Variants in UHRF2 observed in about 807,000 individuals in gnomAD.
UHRF2 encodes the protein ubiquitin like with PHD and ring finger domains 2.
In UHRF2, 23 loss-of-function variants were observed where a neutral mutation model predicts 96.8. The observed-to-expected ratio is 0.24, with a 90% CI of 0.17 to 0.34. The LOEUF is 0.34. Ranked by LOEUF, UHRF2 falls within the 10% of genes least tolerant of loss-of-function variation. The probability of loss-of-function intolerance (pLI) is 1.00; values close to 1 mark genes in which losing one functional copy is unlikely to be tolerated. For missense variants in UHRF2, 685 were observed against 981.5 expected (o/e 0.70, Z 4.04); for synonymous variants, 385 against 332.6 (o/e 1.16, Z -1.72).
chr9:6,495,059 A>C (rs975310690), intron 10 of UHRF2: 1 of 152,188 alleles, frequency 6.6e-6, no homozygotes, highest in Admixed American at 6.5e-5. Flanking sequence ...TGTTTTTGTC[A>C]ATGAAAATGT....
intron 14 of UHRF2, among the ~76,000 whole-genome samples, chr9:6,503,845 G>A (rs1413855659): frequency 6.6e-6 from 1 of 151,928 alleles, no homozygotes; most frequent in Non-Finnish European, 1.5e-5. Flanking sequence ...TCCCTGGAAT[G>A]TGACATTTAG....
intron 1 of UHRF2, among the ~76,000 whole-genome samples, chr9:6,420,115 G>A (rs1486792472): frequency 6.6e-6 from 1 of 151,106 alleles, no homozygotes; most frequent in African/African-American, 2.4e-5. Context: ...GGAGTGCAGT[G>A]GCGCAATTTC....
chr9:6,487,243 G>C (rs1355647266), intron 9 of UHRF2, among the ~76,000 whole-genome samples: 1 of 133,372 alleles, frequency 7.5e-6, no homozygotes, highest in Non-Finnish European at 1.5e-5. Flanking sequence ...GGGCTGGAGT[G>C]CAGTGGTGTG....
At chr9:6,453,786 T>A (rs1266525964) in intron 3 of UHRF2, among the ~76,000 whole-genome samples, 6 of 152,096 alleles carry the variant, frequency 3.9e-5, no homozygotes, top group Admixed American at 3.9e-4. Context: ...GTACTTGTAG[T>A]CCCAGCTACT....
At chr9:6,468,519 T>C (rs1823016536) in intron 4 of UHRF2, 1 of 455,956 alleles carries the variant, frequency 2.2e-6, no homozygotes, top group South Asian at 1.5e-5. Flanking sequence ...TAGTTGTGTT[T>C]TGCCCCTAGG....
In UHRF2 at chr9:6,500,644, A is replaced by T; in HGVS notation, c.2098A>T (p.Ile700Phe). The T allele has an allele frequency of 6.3e-7, 1 of 1,597,574 alleles. No individual in the cohort carries two copies. Among genetic ancestry groups the T allele is most frequent in the Non-Finnish European group, 8.6e-7 (1 of 1,165,254 alleles). The change falls in exon 14 of 16, where the codon ATC (isoleucine) becomes TTC (phenylalanine). Residue 700 changes from isoleucine to phenylalanine, a missense_variant. Around this residue, in one of 6 missense-constraint regions of UHRF2, gnomAD observed 99 missense variants for 73.5 expected, o/e 1.35. Transcript: ENST00000276893. ...FQLTPQQQHL[I>F]REDCQNQKLW... ...ACTAACTCCTCAACAGCAACATCTC[A>T]TCAGAGAAGATTGTCAAAACCAGAA...
chr9:6,480,756 T>G (rs1823878427), intron 6 of UHRF2, among the ~76,000 whole-genome samples: 1 of 152,180 alleles, frequency 6.6e-6, no homozygotes, highest in African/African-American at 2.4e-5. Flanking sequence ...AGAAAGGACT[T>G]TACTTCATAG....
chr9:6,480,748 A>G (rs566900427), intron 6 of UHRF2, among the ~76,000 whole-genome samples: 10 of 152,310 alleles, frequency 6.6e-5, no homozygotes, highest in Non-Finnish European at 1.2e-4. Flanking sequence ...TCCCAACTAG[A>G]AAGGACTTTA....
chr9:6,494,126 C>T lies in UHRF2; in HGVS notation c.1604+194C>T, dbSNP rs530434796. 1.6e-5 allele frequency: 8 copies of T among 515,680 alleles called. No individual in the cohort carries two copies. In the East Asian group the frequency reaches 2.2e-4, roughly 14 times the overall value. 31.9% of individuals were successfully genotyped at this position (515,680 alleles called of 1,614,324 possible). On this transcript the variant is annotated intron_variant, in intron 10 of 15. Coordinates refer to ENST00000276893, the MANE Select transcript of UHRF2 (RefSeq NM_152896.3). ...CTTTATACTGTTATTTTTTAAATGC[C>T]ATAATTTCTAGTCTTACTGAATACA... is the stretch of plus-strand genomic sequence containing the variant.
At chr9:6,472,542 G>T (rs1375787994) in intron 4 of UHRF2, among the ~76,000 whole-genome samples, 1 of 152,170 alleles carries the variant, frequency 6.6e-6, no homozygotes, top group African/African-American at 2.4e-5. Flanking sequence ...GGAATCTTCA[G>T]GAGAACTAGG....
chr9:6,449,933 TCC>T (rs1821750564), intron 3 of UHRF2, among the ~76,000 whole-genome samples: 1 of 152,224 alleles, frequency 6.6e-6, no homozygotes, highest in African/African-American at 2.4e-5. Context: ...GTGTCTGGTT[TCC>T]TCTGGTCACC....
chr9:6,467,375 A>G (rs559558799), intron 4 of UHRF2, among the ~76,000 whole-genome samples: 8 of 152,042 alleles, frequency 5.3e-5, no homozygotes, highest in East Asian at 1.9e-4. Flanking sequence ...TCCCATTTCA[A>G]GGTTTTTTAT....
rs560770876 is a variant in UHRF2, at chr9:6,481,778, A to G, written c.1284+12A>G. On this transcript the variant is annotated intron_variant, in intron 7 of 15. Coordinates refer to ENST00000276893, the MANE Select transcript of UHRF2 (RefSeq NM_152896.3). Reference sequence around the variant, plus strand: ...GAGACTGGGGCAGGGTAAAGAAGAAATTCCCCTTTTCTTCCTAATAGCAAG... The same window carrying G: ...GAGACTGGGGCAGGGTAAAGAAGAAGTTCCCCTTTTCTTCCTAATAGCAAG... 1.9e-6 allele frequency: 3 copies of G among 1,601,328 alleles called. No individual in the cohort carries two copies. Among genetic ancestry groups the G allele is most frequent in the Non-Finnish European group, 2.5e-6 (3 of 1,176,830 alleles).
At chr9:6,469,165 A>G (rs1279808191) in intron 4 of UHRF2, among the ~76,000 whole-genome samples, 1 of 152,192 alleles carries the variant, frequency 6.6e-6, no homozygotes, top group Non-Finnish European at 1.5e-5. Context: ...TCACAAAATA[A>G]TTATATGGAG....
rs1342523576 is a variant in UHRF2, at chr9:6,428,429, T to C, written c.385-5485T>C. ...TTCTTTACTAACTTTCTTATTAATATTAACCTTTAACAACCTATTAATAAT... is the reference window on the plus strand; with the variant it reads ...TTCTTTACTAACTTTCTTATTAATACTAACCTTTAACAACCTATTAATAAT... On this transcript the variant is annotated intron_variant, in intron 2 of 15. Transcript: ENST00000276893. Among the ~76,000 whole-genome samples, 5 of 152,164 alleles carry C rather than the reference T, an allele frequency of 3.3e-5. No homozygotes were observed. The East Asian group carries it at 9.7e-4, about 29-fold the overall frequency.
chr9:6,476,784 G>A (rs1044944033), intron 5 of UHRF2, among the ~76,000 whole-genome samples: 2 of 151,954 alleles, frequency 1.3e-5, no homozygotes, highest in African/African-American at 2.4e-5. Flanking sequence ...TAGCAGGGAC[G>A]GGGTTTCACT....
intron 9 of UHRF2, 66 bp downstream of exon 9, chr9:6,486,991 G>T: frequency 6.9e-7 from 1 of 1,454,076 alleles, no homozygotes; most frequent in Non-Finnish European, 9.6e-7. Flanking sequence ...GAATAGCTTT[G>T]CCTAGGATAC....
intron 3 of UHRF2, among the ~76,000 whole-genome samples, chr9:6,437,606 T>C (rs1413127899): frequency 3.3e-5 from 5 of 152,014 alleles, no homozygotes; most frequent in Non-Finnish European, 7.4e-5. Context: ...GCTGTAAATC[T>C]GTTTTGCTTT....
At chr9:6,415,477 A>G (rs1276595668) in intron 1 of UHRF2, 1 of 152,196 alleles carries the variant, frequency 6.6e-6, no homozygotes, top group Non-Finnish European at 1.5e-5. Context: ...AATGAGTGTT[A>G]TCTTTCGTGG....
Sources: allele counts gnomAD v4.1 joint callset (sites outside exome capture counted in the v4.1 genomes callset), GRCh38; gene constraint gnomAD v4.1.1; regional missense constraint gnomAD v4.1.1; transcripts MANE v1.5; gene names NCBI Gene and HGNC (gene_info 2026-07-23, HGNC 2026-07-21).